LIMA1: variants seen among roughly 807,000 people sequenced by gnomAD.
LIMA1 encodes LIM domain and actin-binding protein 1.
LIMA1 carries 52 observed loss-of-function variants against 62.6 expected under a neutral mutation model. That is an observed-to-expected ratio of 0.83 (90% CI 0.67 to 1.05). The LOEUF is 1.05. Ranked by LOEUF, LIMA1 falls within the 50% of genes least tolerant of loss-of-function variation. The probability of loss-of-function intolerance (pLI) is 0.00; values close to 1 mark genes in which losing one functional copy is unlikely to be tolerated. For synonymous variants in LIMA1, 302 were observed against 317.8 expected, an observed-to-expected ratio of 0.95 and a Z score of 0.53; for missense variants, 780 against 902.2, an observed-to-expected ratio of 0.86 and a Z score of 1.74.
intron 1 of LIMA1, among the ~76,000 whole-genome samples, chr12:50,266,462 T>G (rs1348664609): frequency 6.6e-6 from 1 of 152,248 alleles, no homozygotes; most frequent in Non-Finnish European, 1.5e-5. Context: ...TACAGATCTA[T>G]CTCAATCTTT....
At chr12:50,239,533 C>T (rs1464123002) in intron 2 of LIMA1, among the ~76,000 whole-genome samples, 5 of 152,006 alleles carry the variant, frequency 3.3e-5, no homozygotes, top group African/African-American at 4.8e-5. Flanking sequence ...TTCAGCTACT[C>T]GGAGACTGAG....
intron 7 of LIMA1, among the ~76,000 whole-genome samples, chr12:50,200,364 C>T (rs1404603100): frequency 1.3e-5 from 2 of 151,806 alleles, no homozygotes; most frequent in African/African-American, 2.4e-5. Context: ...CCCCCACACC[C>T]GGCTTTTTAT....
intron 4 of LIMA1, among the ~76,000 whole-genome samples, chr12:50,209,155 A>C (rs1169144940): frequency 1.3e-5 from 2 of 151,936 alleles, no homozygotes; most frequent in African/African-American, 4.8e-5. Flanking sequence ...AAACTAAAAC[A>C]AGCTGGAACA....
At chr12:50,218,894 A>AT (rs1941394383) in intron 4 of LIMA1, among the ~76,000 whole-genome samples, 1 of 117,774 alleles carries the variant, frequency 8.5e-6, no homozygotes, top group East Asian at 2.2e-4. Flanking sequence ...CCCTATCTCC[A>AT]TAAAAAAAAA....
chr12:50,264,941 C>A (rs894146773), intron 1 of LIMA1, among the ~76,000 whole-genome samples: 1 of 152,000 alleles, frequency 6.6e-6, no homozygotes, highest in African/African-American at 2.4e-5. Context: ...TCACTTGAGT[C>A]CAGAGTTCAA....
At chr12:50,215,615 G>A (rs1158549515) in intron 4 of LIMA1, among the ~76,000 whole-genome samples, 1 of 151,740 alleles carries the variant, frequency 6.6e-6, no homozygotes, top group African/African-American at 2.4e-5. Flanking sequence ...GACTACAGGC[G>A]CCCGCCACCA....
chr12:50,232,407 T>C (rs1446009146), intron 2 of LIMA1, among the ~76,000 whole-genome samples: 1 of 149,990 alleles, frequency 6.7e-6, no homozygotes, highest in African/African-American at 2.5e-5. Flanking sequence ...TTTCCCTCTG[T>C]TACCCAGGCT....
At chr12:50,217,301 AGT>A (rs1262184935) in intron 4 of LIMA1, among the ~76,000 whole-genome samples, 1 of 152,036 alleles carries the variant, frequency 6.6e-6, no homozygotes, top group Non-Finnish European at 1.5e-5. Context: ...TAGCTATTAA[AGT>A]GTTTCTCTCC....
At chr12:50,280,143 T>A (rs920970365) in intron 1 of LIMA1, among the ~76,000 whole-genome samples, 3 of 123,658 alleles carry the variant, frequency 2.4e-5, no homozygotes, top group Non-Finnish European at 3.4e-5. Context: ...AGGGTAGTAG[T>A]ATTTTTTTTT....
chr12:50,263,785 CTGTGTG>C lies in LIMA1; in HGVS notation c.-23-15017_-23-15012del, dbSNP rs3073660. 1.9e-3 allele frequency among the ~76,000 whole-genome samples: 254 copies of C among 131,350 alleles called. 4 individuals are homozygous for C. The highest frequency in any genetic ancestry group is 0.019 in the Admixed American group (228 of 11,924). The allele number at this position is 131,350 out of a possible 152,430, so 86.2% of individuals were successfully genotyped here. A position where few individuals can be genotyped will look rare whatever the true frequency, so the allele number is the denominator to read the frequency against. ...CATGGGATCCAGCAATTCCATTCCT[CTGTGTG>C]TGTGTGTGTGTGTGTGTGTGTGTCT... On this transcript the variant is annotated intron_variant, in intron 1 of 10. Transcript: ENST00000341247.
chr12:50,178,363 A>G (rs1940403006), intron 10 of LIMA1, among the ~76,000 whole-genome samples: 1 of 152,048 alleles, frequency 6.6e-6, no homozygotes, highest in Admixed American at 6.6e-5. Context: ...CCCGGCCAAC[A>G]TAGTGAGAAT....
intron 1 of LIMA1, among the ~76,000 whole-genome samples, chr12:50,253,370 G>A (rs1012128812): frequency 5.3e-5 from 8 of 152,270 alleles, no homozygotes; most frequent in East Asian, 1.9e-4. Flanking sequence ...TTATGGTAAC[G>A]AAATTGAGAT....
At chr12:50,203,444 T>C (rs1424059574) in intron 6 of LIMA1, among the ~76,000 whole-genome samples, 1 of 151,462 alleles carries the variant, frequency 6.6e-6, no homozygotes, top group African/African-American at 2.4e-5. Context: ...GACGGAGTCT[T>C]GCTGTGTCGC....
intron 3 of LIMA1, among the ~76,000 whole-genome samples, chr12:50,224,904 T>A (rs1941503621): frequency 6.7e-6 from 1 of 148,542 alleles, no homozygotes; most frequent in South Asian, 2.2e-4. Flanking sequence ...GCATTTTTTT[T>A]TTTTTTTTTT....
intron 9 of LIMA1, among the ~76,000 whole-genome samples, chr12:50,191,517 C>T (rs1287732484): frequency 6.6e-6 from 1 of 151,620 alleles, no homozygotes; most frequent in Non-Finnish European, 1.5e-5. Flanking sequence ...CAGAGCAAGA[C>T]CCTGTCTCAA....
chr12:50,275,835 G>A (rs1382722275), intron 1 of LIMA1, among the ~76,000 whole-genome samples: 2 of 152,116 alleles, frequency 1.3e-5, no homozygotes, highest in Non-Finnish European at 2.9e-5. Context: ...CTGTCAGAGT[G>A]GGGGTGTGGG....
At chr12:50,180,506 T>G (rs1162718214) in intron 10 of LIMA1, among the ~76,000 whole-genome samples, 1 of 151,906 alleles carries the variant, frequency 6.6e-6, no homozygotes, top group African/African-American at 2.4e-5. Context: ...TCTCTCTATG[T>G]TACCCAGGCT....
intron 4 of LIMA1, among the ~76,000 whole-genome samples, chr12:50,216,181 GCTAAAC>G (rs1260757278): frequency 6.6e-6 from 1 of 152,184 alleles, no homozygotes; most frequent in Non-Finnish European, 1.5e-5. Context: ...AATTAGGAAT[GCTAAAC>G]CACACTCACT....
chr12:50,252,579 C>CAAAAAAAAAAAA, intron 1 of LIMA1, among the ~76,000 whole-genome samples: 1 of 59,018 alleles, frequency 1.7e-5, no homozygotes, highest in Non-Finnish European at 3.2e-5. Flanking sequence ...GAAACTGTCT[C>CAAAAAAAAAAAA]AAAAAAAAAA....
Sources: gnomAD v4.1 joint callset for allele counts (sites outside exome capture counted in the v4.1 genomes callset) on GRCh38, gnomAD v4.1.1 for gene constraint, MANE v1.5 for transcripts, NCBI Gene and HGNC (gene_info 2026-07-23, HGNC 2026-07-21) for gene names.